Variants in RIMS1 observed in about 807,000 individuals in gnomAD.
RIMS1 encodes regulating synaptic membrane exocytosis protein 1.
A neutral mutation model predicts 214.1 loss-of-function variants in RIMS1; 83 were observed. The observed-to-expected ratio is 0.39, with a 90% CI of 0.32 to 0.47. The LOEUF is 0.47. Among genes scored for constraint, RIMS1 ranks in the 20% least tolerant of loss-of-function variants. The probability of loss-of-function intolerance (pLI) is 0.99; values close to 1 mark genes in which losing one functional copy is unlikely to be tolerated. For missense variants in RIMS1, 2,050 were observed against 2,161.8 expected (o/e 0.95, Z 1.03); for synonymous variants, 793 against 786.8 (o/e 1.01, Z -0.13).
chr6:72,131,602 A>G (rs1173828129), intron 4 of RIMS1, among the ~76,000 whole-genome samples: 1 of 152,216 alleles, frequency 6.6e-6, no homozygotes, highest in African/African-American at 2.4e-5. Context: ...ATCACAAGGC[A>G]AATGGAGGCA....
chr6:72,283,625 T>G (rs2091202759), intron 23 of RIMS1, among the ~76,000 whole-genome samples: 1 of 152,160 alleles, frequency 6.6e-6, no homozygotes, highest in Admixed American at 6.6e-5. Flanking sequence ...AAGTTTCAAC[T>G]TGTAAAAGTA....
rs1162511244 is a variant in RIMS1, at chr6:72,179,806, C to G, written c.703C>G (p.Pro235Ala). Residue 235 changes from proline to alanine, a missense_variant, in exon 5 of 34, where the codon CCC (proline) becomes GCC (alanine). Transcript: ENST00000521978. ...AAASSQDAAPPSAPPDRSKGA... is the reference protein window; with the variant it reads ...AAASSQDAAPASAPPDRSKGA... ...TGCCTCCTCCCAGGATGCTGCTCCT[C>G]CCAGCGCACCACCAGACAGGAGCAA... 1.9e-6 allele frequency: 3 copies of G among 1,613,726 alleles called. No individual in the cohort carries two copies. The South Asian group carries it at 3.3e-5, about 18-fold the overall frequency.
chr6:71,924,630 C>CAAAAAAAAAAAAAAAA lies in RIMS1; in HGVS notation c.164+37446_164+37461dup, dbSNP rs1250868988. ...CCAACACAGCAAAACCCCATCTCTG[C>CAAAAAAAAAAAAAAAA]AAAAAAAAAAAAAAAAAATGCAGAA... On this transcript the variant is annotated intron_variant, in intron 1 of 33. Transcript: ENST00000521978. Among the ~76,000 whole-genome samples, 55 of 76,170 alleles carry CAAAAAAAAAAAAAAAA rather than the reference C, an allele frequency of 7.2e-4. 1 individual carries two copies. Among genetic ancestry groups the CAAAAAAAAAAAAAAAA allele is most frequent in the African/African-American group, 2.9e-3 (53 of 18,276 alleles). The allele number at this position is 76,170 out of a possible 152,430, so 50.0% of individuals were successfully genotyped here.
At chr6:71,887,814 G>T (rs905142530) in intron 1 of RIMS1, among the ~76,000 whole-genome samples, 2 of 152,098 alleles carry the variant, frequency 1.3e-5, no homozygotes, top group African/African-American at 4.8e-5. Context: ...CTTCTACACA[G>T]CATACCTGTG....
intron 2 of RIMS1, among the ~76,000 whole-genome samples, chr6:72,086,939 G>C (rs1180009253): frequency 6.6e-6 from 1 of 152,150 alleles, no homozygotes; most frequent in African/African-American, 2.4e-5. Context: ...AATAATACAA[G>C]CTAAGAATAA....
chr6:71,919,185 T>G (rs1779270410), intron 1 of RIMS1, among the ~76,000 whole-genome samples: 1 of 152,128 alleles, frequency 6.6e-6, no homozygotes, highest in African/African-American at 2.4e-5. Flanking sequence ...TTATAACTTA[T>G]AAGTGCCCAC....
chr6:72,295,977 A>G (rs2094031281), intron 26 of RIMS1: 2 of 417,742 alleles, frequency 4.8e-6, no homozygotes, highest in Non-Finnish European at 6.7e-6. Flanking sequence ...GTAAATATTA[A>G]CATAACTTTT....
chr6:72,203,795 G>A (rs1402354511), intron 6 of RIMS1, among the ~76,000 whole-genome samples: 2 of 152,284 alleles, frequency 1.3e-5, no homozygotes, highest in African/African-American at 4.8e-5. Flanking sequence ...TGAAAAACCT[G>A]CTAGTATTCA....
At chr6:72,326,824 C>T (rs1484131108) in intron 28 of RIMS1, among the ~76,000 whole-genome samples, 1 of 151,634 alleles carries the variant, frequency 6.6e-6, no homozygotes, top group African/African-American at 2.4e-5. Flanking sequence ...ACAAGGTTAT[C>T]CAGTGGGCCC....
At chr6:71,930,161 T>C (rs969689974) in intron 1 of RIMS1, among the ~76,000 whole-genome samples, 2 of 152,078 alleles carry the variant, frequency 1.3e-5, no homozygotes, top group African/African-American at 4.8e-5. Flanking sequence ...TGTTGTATTC[T>C]CGTTTCTACC....
chr6:72,326,153 T>C (rs1219615787), intron 28 of RIMS1, among the ~76,000 whole-genome samples: 2 of 152,062 alleles, frequency 1.3e-5, no homozygotes, highest in Non-Finnish European at 2.9e-5. Flanking sequence ...AATAGAATTA[T>C]GGTAGACTTC....
chr6:72,264,710 T>C (rs1410455487), intron 19 of RIMS1, among the ~76,000 whole-genome samples: 1 of 152,168 alleles, frequency 6.6e-6, no homozygotes, highest in East Asian at 1.9e-4. Flanking sequence ...TCAATGATAA[T>C]TCATAGAGTT....
intron 4 of RIMS1, among the ~76,000 whole-genome samples, chr6:72,138,116 A>G (rs2153873440): frequency 6.6e-6 from 1 of 152,256 alleles, no homozygotes; most frequent in South Asian, 2.1e-4. Flanking sequence ...AGACGGTTCA[A>G]AAAGGTAGGT....
chr6:72,383,398 GTATAA>G (rs768661360), intron 29 of RIMS1, among the ~76,000 whole-genome samples: 65 of 152,062 alleles, frequency 4.3e-4, no homozygotes, highest in Admixed American at 1.4e-3. Flanking sequence ...AAATGAACAA[GTATAA>G]TATACTAACC....
chr6:72,183,182 C>A, intron 6 of RIMS1, 33 bp downstream of exon 6: 1 of 1,575,900 alleles, frequency 6.3e-7, no homozygotes. Context: ...GCGGGGACTT[C>A]AGCCAAGTGA....
intron 6 of RIMS1, chr6:72,216,922 C>G (rs1166352449): frequency 7.9e-7 from 1 of 1,269,908 alleles, no homozygotes; most frequent in African/African-American, 1.5e-5. Context: ...TAGATTAATG[C>G]TGTAATCAAT....
At chr6:72,072,159 T>C (rs887307287) in intron 2 of RIMS1, among the ~76,000 whole-genome samples, 1 of 152,146 alleles carries the variant, frequency 6.6e-6, no homozygotes, top group African/African-American at 2.4e-5. Flanking sequence ...CAGAAGGAAA[T>C]TTAGATTAAA....
chr6:72,079,576 A>G (rs1053352558), intron 2 of RIMS1, among the ~76,000 whole-genome samples: 1 of 152,162 alleles, frequency 6.6e-6, no homozygotes, highest in African/African-American at 2.4e-5. Context: ...CTGAGAAAAC[A>G]TGCACAGTAT....
intron 6 of RIMS1, among the ~76,000 whole-genome samples, chr6:72,193,090 C>A (rs939464484): frequency 6.6e-6 from 1 of 152,226 alleles, no homozygotes; most frequent in Non-Finnish European, 1.5e-5. Flanking sequence ...AGCATGGAAT[C>A]AGACATAATT....
Sources: allele counts gnomAD v4.1 joint callset (sites outside exome capture counted in the v4.1 genomes callset), GRCh38; gene constraint gnomAD v4.1.1; transcripts MANE v1.5; gene names NCBI Gene and HGNC (gene_info 2026-07-23, HGNC 2026-07-21).